CPD: variants seen among roughly 807,000 people sequenced by gnomAD.
CPD encodes the protein carboxypeptidase D.
A neutral mutation model predicts 138.3 loss-of-function variants in CPD; 69 were observed. The observed-to-expected ratio is 0.50, with a 90% CI of 0.41 to 0.61. CPD has a LOEUF of 0.61. CPD is among the 20% of genes least tolerant of loss of function. The pLI is 0.00. For synonymous variants in CPD, 651 were observed against 642.1 expected, an observed-to-expected ratio of 1.01 and a Z score of -0.21; for missense variants, 1,432 against 1,733.3, an observed-to-expected ratio of 0.83 and a Z score of 3.09.
intron 4 of CPD, 101 bp from the exon 5 acceptor site, chr17:30,422,573 C>T (rs904694296): frequency 2.1e-5 from 15 of 708,938 alleles, no homozygotes; most frequent in Admixed American, 2.0e-4. Flanking sequence ...TTTGATAGAT[C>T]GCTAAGTGTA....
At chr17:30,463,007 G>A (rs376620168) in intron 20 of CPD, among the ~76,000 whole-genome samples, 3 of 152,108 alleles carry the variant, frequency 2.0e-5, no homozygotes, top group African/African-American at 4.8e-5. Flanking sequence ...CGCCCTGGGC[G>A]GGCCAGGTGT....
chr17:30,453,102 C>A (rs565355535), intron 14 of CPD, among the ~76,000 whole-genome samples: 80 of 152,280 alleles, frequency 5.3e-4, no homozygotes, highest in African/African-American at 1.7e-3. Context: ...CATTCTGCCA[C>A]TGGCCCCTCC....
chr17:30,456,846 C>CAAAA (rs11353479), intron 17 of CPD: 193 of 66,544 alleles, frequency 2.9e-3, no homozygotes, highest in Non-Finnish European at 3.9e-3. Context: ...GATTCCATCT[C>CAAAA]AAAAAAAAAA....
At chr17:30,419,651 T>C (rs1912214544) in intron 2 of CPD, among the ~76,000 whole-genome samples, 1 of 152,060 alleles carries the variant, frequency 6.6e-6, no homozygotes, top group South Asian at 2.1e-4. Context: ...TAAATCAGCA[T>C]GTATTTTTAA....
intron 20 of CPD, among the ~76,000 whole-genome samples, chr17:30,463,249 A>T (rs1280070123): frequency 1.3e-5 from 2 of 152,054 alleles, no homozygotes; most frequent in Non-Finnish European, 2.9e-5. Context: ...CACTATCTCT[A>T]TCCTGCTTTT....
At chr17:30,409,844 G>A (rs558441187) in intron 2 of CPD, among the ~76,000 whole-genome samples, 2 of 152,082 alleles carry the variant, frequency 1.3e-5, no homozygotes, top group South Asian at 2.1e-4. Flanking sequence ...GGTTTTTTAT[G>A]TCTCTATCTC....
Position 30,461,928 on chromosome 17 carries a change from T to C in CPD, c.3682T>C (p.Ser1228Pro), listed in dbSNP as rs1472090806. The change falls in exon 19 of 21, where the codon TCT (serine) becomes CCT (proline). Residue 1228 changes from serine (S) to proline (P), a missense_variant. By Grantham distance (74) the Ser-to-Pro change is moderately conservative. Transcript: ENST00000225719. ...TAAAGATAAGACTGGAAAGCCAATC[T>C]CTAAAGCAGTCATTGTACTTAATGA... Reference protein sequence around the residue: ...FVKDKTGKPISKAVIVLNEGI... With the variant: ...FVKDKTGKPIPKAVIVLNEGI... 6.2e-7 allele frequency: 1 copy of C among 1,611,736 alleles called. No homozygotes were observed.
chr17:30,398,225 G>T (rs1597709855), intron 2 of CPD, among the ~76,000 whole-genome samples: 1 of 105,844 alleles, frequency 9.4e-6, no homozygotes, highest in South Asian at 3.0e-4. Flanking sequence ...CAGAATAATA[G>T]AATAGAATAG....
intron 12 of CPD, chr17:30,447,619 G>C (rs1913064509): frequency 6.6e-6 from 1 of 151,930 alleles, no homozygotes; most frequent in South Asian, 2.1e-4. Flanking sequence ...TCACCTGTTA[G>C]GGATTATGTG....
At position 30,464,955 on chromosome 17, in the gene CPD, G is replaced by A; in HGVS notation, c.*141G>A. 1 of 688,810 alleles carries A rather than the reference G, an allele frequency of 1.5e-6. No individual in the cohort carries two copies. Among genetic ancestry groups the A allele is most frequent in the Non-Finnish European group, 2.4e-6 (1 of 414,426 alleles). The allele number at this position is 688,810 out of a possible 1,614,324, so 42.7% of individuals were successfully genotyped here. A position where few individuals can be genotyped will look rare whatever the true frequency, so the allele number is the denominator to read the frequency against. ...TTAAATTGCTAAATTTGTATTCTCT[G>A]TGAATTTCACTGGCAGTTTTGAACT... On this transcript the variant is annotated 3_prime_UTR_variant, in exon 21 of 21. Coordinates refer to ENST00000225719, the MANE Select transcript of CPD (RefSeq NM_001304.5).
chr17:30,462,156 A>G, intron 19 of CPD, 94 bp downstream of exon 19: 2 of 1,249,540 alleles, frequency 1.6e-6, no homozygotes, highest in Non-Finnish European at 2.2e-6. Flanking sequence ...TCTTGAAGGG[A>G]ATAAAGAAAT....
chr17:30,436,029 A>G (rs2143450479), intron 8 of CPD, among the ~76,000 whole-genome samples: 1 of 152,304 alleles, frequency 6.6e-6, no homozygotes, highest in Middle Eastern at 3.4e-3. Context: ...TTTTAACTTG[A>G]TTACCTCTGT....
chr17:30,429,894 C>T (rs965701513), intron 7 of CPD, among the ~76,000 whole-genome samples: 6 of 152,006 alleles, frequency 3.9e-5, no homozygotes, highest in Admixed American at 3.9e-4. Context: ...TCTGATGGTA[C>T]CAGGAAGGTG....
intron 17 of CPD, among the ~76,000 whole-genome samples, chr17:30,458,584 G>A (rs1913362720): frequency 6.6e-6 from 1 of 152,080 alleles, no homozygotes; most frequent in African/African-American, 2.4e-5. Flanking sequence ...AGAGTTTTAT[G>A]GGCTTGGCAC....
chr17:30,401,946 T>C (rs1052716813), intron 2 of CPD, among the ~76,000 whole-genome samples: 16 of 151,994 alleles, frequency 1.1e-4, no homozygotes, highest in African/African-American at 3.9e-4. Flanking sequence ...TCACTTTTTT[T>C]TTTTTTTTAA....
rs1912776118 is a variant in CPD, at chr17:30,438,955, G to A, written c.2128-20G>A. ...GGAGATACAAACAAATAGAAGTAAA[G>A]ATTCTTTTTGTTTTTCCAGGAAAAT... On this transcript the variant is annotated intron_variant, in intron 8 of 20. Transcript: ENST00000225719. 2 of 1,370,504 alleles carry A rather than the reference G, an allele frequency of 1.5e-6. No individual in the cohort carries two copies. The highest frequency in any genetic ancestry group is 4.8e-5 in the Admixed American group (2 of 42,100). The allele number at this position is 1,370,504 out of a possible 1,614,324, so 84.9% of individuals were successfully genotyped here.
At chr17:30,380,616 C>G (rs1343088271) in intron 1 of CPD, 1 of 1,514,418 alleles carries the variant, frequency 6.6e-7, no homozygotes, top group Admixed American at 2.1e-5. Context: ...TAGTATAAAA[C>G]AAGAGAATGT....
chr17:30,384,661 G>T (rs577683094), intron 1 of CPD, among the ~76,000 whole-genome samples: 1 of 152,102 alleles, frequency 6.6e-6, no homozygotes, highest in South Asian at 2.1e-4. Context: ...CATGAATTTA[G>T]AATTCCCTAA....
At chr17:30,402,147 C>G (rs1301533058) in intron 2 of CPD, among the ~76,000 whole-genome samples, 1 of 151,928 alleles carries the variant, frequency 6.6e-6, no homozygotes, top group Non-Finnish European at 1.5e-5. Context: ...TTCCATTCTT[C>G]CATTAAACCC....
Sources: gnomAD v4.1 joint callset for allele counts (sites outside exome capture counted in the v4.1 genomes callset) on GRCh38, gnomAD v4.1.1 for gene constraint, MANE v1.5 for transcripts, NCBI Gene and HGNC (gene_info 2026-07-23, HGNC 2026-07-21) for gene names.